Variants in MTHFD1 observed in about 807,000 individuals in gnomAD.
The protein encoded by MTHFD1 is C-1-tetrahydrofolate synthase, cytoplasmic.
Under a neutral mutation model 110.3 loss-of-function variants are expected in MTHFD1, and 44 were observed. The observed-to-expected ratio is 0.40, with a 90% CI of 0.31 to 0.51. The LOEUF (loss-of-function observed/expected upper bound fraction) is 0.51, where lower values mean the gene tolerates loss of function less well. Ranked by LOEUF, MTHFD1 falls within the 20% of genes least tolerant of loss-of-function variation. MTHFD1 has a pLI of 0.60. For missense variants in MTHFD1, 909 were observed against 1,173.1 expected (o/e 0.77, Z 3.29); for synonymous variants, 402 against 428.8 (o/e 0.94, Z 0.77).
At position 64,425,776 on chromosome 14, in the gene MTHFD1, G is replaced by T. The variant is rs759600075; in HGVS notation, c.902G>T (p.Gly301Val). 6.2e-7 allele frequency: 1 copy of T among 1,613,660 alleles called. No individual in the cohort carries two copies. Among genetic ancestry groups the T allele is most frequent in the Admixed American group, 1.7e-5 (1 of 60,020 alleles). ...AKRFLEKFKP[G>V]KWMIQYNNLN... ...CGTTTCCTGGAGAAATTTAAGCCAGGAAAGTGGATGATTCAGTATAACAAC... is the reference window on the plus strand; with the variant it reads ...CGTTTCCTGGAGAAATTTAAGCCAGTAAAGTGGATGATTCAGTATAACAAC... Residue 301 changes from glycine to valine, a missense_variant, in exon 10 of 28, where the codon GGA becomes GTA. Coordinates refer to ENST00000652337, the MANE Select transcript of MTHFD1 (RefSeq NM_005956.4).
intron 16 of MTHFD1, among the ~76,000 whole-genome samples, chr14:64,438,128 C>T (rs1171822782): frequency 6.6e-6 from 1 of 152,162 alleles, no homozygotes; most frequent in African/African-American, 2.4e-5. Context: ...CCACCTTGGC[C>T]CCCCAAAGTG....
chr14:64,428,104 T>TG (rs1566565799), intron 12 of MTHFD1, among the ~76,000 whole-genome samples: 1 of 35,660 alleles, frequency 2.8e-5, no homozygotes, highest in African/African-American at 9.4e-5. Flanking sequence ...GAACATGTGT[T>TG]TTTTTTTTTT....
rs868618052 is a variant in MTHFD1 at position 64,441,778 on chromosome 14, G to A, written c.1885-276G>A. 4 of 565,310 alleles carry A rather than the reference G, an allele frequency of 7.1e-6. No individual in the cohort carries two copies. The African/African-American group carries it at 7.6e-5, about 11-fold the overall frequency. 35.0% of individuals were successfully genotyped at this position (565,310 alleles called of 1,614,324 possible). ...AGATCACGCCACTGCACTCCAGACT[G>A]GGCGACAGAGCGAGACTCCGTGTCA... On this transcript the variant is annotated intron_variant, in intron 19 of 27. Coordinates refer to ENST00000652337, the MANE Select transcript of MTHFD1 (RefSeq NM_005956.4).
chr14:64,399,077 C>G (rs1054279252), intron 1 of MTHFD1, among the ~76,000 whole-genome samples: 1 of 152,134 alleles, frequency 6.6e-6, no homozygotes, highest in African/African-American at 2.4e-5. Flanking sequence ...TAAGTTTATA[C>G]TGAATTTGGA....
At chr14:64,394,065 C>A (rs1448535824) in intron 1 of MTHFD1, among the ~76,000 whole-genome samples, 1 of 152,014 alleles carries the variant, frequency 6.6e-6, no homozygotes. Context: ...CCCCCATTAC[C>A]CCTGCACTGT....
At chr14:64,423,337 G>T (rs373761334) in intron 8 of MTHFD1, among the ~76,000 whole-genome samples, 14 of 152,132 alleles carry the variant, frequency 9.2e-5, no homozygotes, top group East Asian at 3.8e-4. Context: ...CAGCAAATTT[G>T]TGATAGGTAG....
intron 1 of MTHFD1, 123 bp from the exon 2 acceptor site, chr14:64,400,670 C>T: frequency 1.4e-6 from 1 of 720,224 alleles, no homozygotes; most frequent in Non-Finnish European, 2.5e-6. Context: ...GCCTGGGTGA[C>T]AGAGCGAGAC....
rs963704931 is a variant in MTHFD1 at position 64,458,131 on chromosome 14, T to A, written c.2719-83T>A. The A allele has an allele frequency of 6.4e-6, 7 of 1,092,894 alleles. No individual in the cohort carries two copies. In the African/African-American group the frequency reaches 1.1e-4, roughly 17 times the overall value. 67.7% of individuals were successfully genotyped at this position (1,092,894 alleles called of 1,614,324 possible). A position where few individuals can be genotyped will look rare whatever the true frequency, so the allele number is the denominator to read the frequency against. On this transcript the variant is annotated intron_variant, in intron 26 of 27. Transcript: ENST00000652337. ...GTTTAGAACTCCTGGCCTCAAGTGA[T>A]CCTCTCCACCTCAGCCTGGGATTAT...
At position 64,449,337 on chromosome 14, in the gene MTHFD1, G is replaced by T; in HGVS notation, c.2280-108G>T. ...AAACCCAGGCCAAATTTCTTGGTTA[G>T]TGTTCGTTTATCAGTGGGTAATTCA... On this transcript the variant is annotated intron_variant, in intron 23 of 27. Transcript: ENST00000652337. 3.8e-6 allele frequency: 5 copies of T among 1,313,670 alleles called. No homozygotes were observed. In the Admixed American group the frequency reaches 8.5e-5, roughly 22 times the overall value. 81.4% of individuals were successfully genotyped at this position (1,313,670 alleles called of 1,614,324 possible). A position where few individuals can be genotyped will look rare whatever the true frequency, so the allele number is the denominator to read the frequency against.
At chr14:64,413,354 A>G (rs1596538315) in intron 4 of MTHFD1, among the ~76,000 whole-genome samples, 1 of 152,176 alleles carries the variant, frequency 6.6e-6, no homozygotes, top group Non-Finnish European at 1.5e-5. Context: ...CTCCGTCTCA[A>G]AAAAATAGGT....
chr14:64,428,916 T>C (rs1190797374), intron 12 of MTHFD1, among the ~76,000 whole-genome samples: 2 of 152,126 alleles, frequency 1.3e-5, no homozygotes, highest in African/African-American at 4.8e-5. Context: ...CTTAACCCCC[T>C]TTCAACTTCA....
chr14:64,435,770 G>T, intron 16 of MTHFD1, 99 bp downstream of exon 16: 2 of 793,656 alleles, frequency 2.5e-6, no homozygotes, highest in East Asian at 5.1e-5. Flanking sequence ...AAGCTTCCAT[G>T]TTGGTATTTT....
intron 2 of MTHFD1, among the ~76,000 whole-genome samples, chr14:64,402,279 C>T (rs146967890): frequency 1.5e-3 from 225 of 152,242 alleles, no homozygotes; most frequent in African/African-American, 5.3e-3. Flanking sequence ...GCAGATCTTC[C>T]AAATGTTAAC....
chr14:64,458,057 A>AT (rs2078503624), intron 26 of MTHFD1, 157 bp from the exon 27 acceptor site: 1 of 698,924 alleles, frequency 1.4e-6, no homozygotes, highest in South Asian at 1.5e-5. Flanking sequence ...TATCCAGCTA[A>AT]TTTTTTATTT....
rs528218930 is a variant in MTHFD1 at position 64,414,679 on chromosome 14, T to C, written c.241-679T>C. 1.0e-4 allele frequency among the ~76,000 whole-genome samples: 14 copies of C among 134,426 alleles called. No homozygotes were observed. In the South Asian group the frequency reaches 3.3e-3, roughly 32 times the overall value. The allele number at this position is 134,426 out of a possible 152,430, so 88.2% of individuals were successfully genotyped here. ...TAATTTTTTTTTTTTTTTTTTGAGG[T>C]GGAGTTTCACTATTGTTGCCCAGGC... On this transcript the variant is annotated intron_variant, in intron 4 of 27. Coordinates refer to ENST00000652337, the MANE Select transcript of MTHFD1 (RefSeq NM_005956.4).
At chr14:64,459,113 A>G (rs1306208874) in intron 27 of MTHFD1, among the ~76,000 whole-genome samples, 1 of 152,220 alleles carries the variant, frequency 6.6e-6, no homozygotes, top group Non-Finnish European at 1.5e-5. Flanking sequence ...GACTTTCAAC[A>G]TGTGCTCACA....
chr14:64,434,543 GA>G (rs2078189005), intron 15 of MTHFD1, among the ~76,000 whole-genome samples: 1 of 152,138 alleles, frequency 6.6e-6, no homozygotes, highest in Non-Finnish European at 1.5e-5. Flanking sequence ...GTGACAGAAT[GA>G]GACCTCATCT....
At chr14:64,447,666 G>A (rs143726536) in intron 22 of MTHFD1, among the ~76,000 whole-genome samples, 242 of 151,970 alleles carry the variant, frequency 1.6e-3, no homozygotes, top group African/African-American at 5.5e-3. Context: ...GTTCACGGTC[G>A]AGTTCATTAA....
intron 3 of MTHFD1, 21 bp downstream of exon 3, chr14:64,411,170 C>A (rs1336767828): frequency 6.3e-7 from 1 of 1,597,904 alleles, no homozygotes; most frequent in Non-Finnish European, 8.6e-7. Context: ...AAGAGCTGTG[C>A]CATCACCCTC....
Sources: gnomAD v4.1 joint callset for allele counts (sites outside exome capture counted in the v4.1 genomes callset) on GRCh38, gnomAD v4.1.1 for gene constraint, MANE v1.5 for transcripts, NCBI Gene and HGNC (gene_info 2026-07-23, HGNC 2026-07-21) for gene names.